The following ADAMTS14 variants were observed in gnomAD, a reference collection of about 807,000 sequenced individuals.
The protein encoded by ADAMTS14 is ADAM metallopeptidase with thrombospondin type 1 motif 14.
ADAMTS14 carries 100 observed loss-of-function variants against 128.6 expected under a neutral mutation model. The observed-to-expected ratio is 0.78, with a 90% confidence interval of 0.66 to 0.92. The LOEUF (loss-of-function observed/expected upper bound fraction) is 0.92. Among genes scored for constraint, ADAMTS14 ranks in the 40% least tolerant of loss-of-function variants. The pLI is 0.00. For synonymous variants in ADAMTS14, 665 were observed against 653.8 expected, an observed-to-expected ratio of 1.02 and a Z score of -0.26; for missense variants, 1,562 against 1,658.6, an observed-to-expected ratio of 0.94 and a Z score of 1.01.
At chr10:70,714,291 T>G (rs891891336) in intron 4 of ADAMTS14, among the ~76,000 whole-genome samples, 2 of 152,236 alleles carry the variant, frequency 1.3e-5, no homozygotes, top group Non-Finnish European at 2.9e-5. Context: ...CTCATTTATT[T>G]AAGTCTCCCC....
chr10:70,675,092 C>A, intron 2 of ADAMTS14, 97 bp downstream of exon 2: 3 of 1,435,150 alleles, frequency 2.1e-6, no homozygotes, highest in South Asian at 1.3e-5. Flanking sequence ...CAGTCTGGGC[C>A]AAGGCAGGGG....
At chr10:70,711,451 G>A (rs10762399) in intron 4 of ADAMTS14, among the ~76,000 whole-genome samples, 27,236 of 152,226 alleles carry the variant, frequency 0.18, 3,252 homozygotes, top group Non-Finnish European at 0.26. Flanking sequence ...ATGGCCGCTG[G>A]AGAAATTGTT....
intron 2 of ADAMTS14, among the ~76,000 whole-genome samples, chr10:70,694,027 C>T (rs867050574): frequency 2.0e-5 from 3 of 152,244 alleles, no homozygotes; most frequent in South Asian, 2.1e-4. Context: ...GGCTGCAGCT[C>T]GGTCTGAATC....
chr10:70,734,706 G>A (rs1431615259), intron 8 of ADAMTS14, among the ~76,000 whole-genome samples: 2 of 152,202 alleles, frequency 1.3e-5, no homozygotes, highest in African/African-American at 4.8e-5. Flanking sequence ...TTGGATGGGG[G>A]CAGGTGGAGG....
chr10:70,724,713 T>C (rs1356674777), intron 4 of ADAMTS14, among the ~76,000 whole-genome samples: 1 of 151,876 alleles, frequency 6.6e-6, no homozygotes, highest in East Asian at 1.9e-4. Flanking sequence ...GGCAGGGGTG[T>C]GTGCAGATGA....
rs771640216 is a variant in ADAMTS14 at position 70,752,220 on chromosome 10, C to G, written c.2722C>G (p.Gln908Glu). The change falls in exon 18 of 22, where the codon CAG (glutamine) becomes GAG (glutamate). Residue 908 changes from glutamine to glutamate, a missense_variant. Gln to Glu is a conservative substitution (Grantham distance 29). Coordinates refer to ENST00000373207, the MANE Select transcript of ADAMTS14 (RefSeq NM_080722.4). ...RRRCNQHPCS[Q>E]PVWVTEEWGA... is the part of the protein sequence containing the mutation. The stretch of plus-strand genomic sequence containing the variant: ...GCGCTGCAACCAGCACCCGTGCTCT[C>G]AGCCTGTGTGAGTGCTCCCAGGGAG... 1.2e-6 allele frequency: 2 copies of G among 1,613,634 alleles called. No individual in the cohort carries two copies. The highest frequency in any genetic ancestry group is 3.3e-5 in the Admixed American group (2 of 60,006).
chr10:70,705,991 A>G (rs1840653060), intron 3 of ADAMTS14, among the ~76,000 whole-genome samples: 1 of 152,184 alleles, frequency 6.6e-6, no homozygotes, highest in Non-Finnish European at 1.5e-5. Flanking sequence ...TTTAACTTTC[A>G]ACTGTATTTT....
intron 6 of ADAMTS14, among the ~76,000 whole-genome samples, chr10:70,731,812 G>T (rs896597355): frequency 1.3e-5 from 2 of 152,234 alleles, no homozygotes; most frequent in Non-Finnish European, 2.9e-5. Flanking sequence ...TAGCTGTGGT[G>T]GTGGGTGGGT....
At chr10:70,732,494 A>ACTGCGGCATGGCCTC (rs1164036796) in intron 7 of ADAMTS14, 135 bp downstream of exon 7, 3 of 741,258 alleles carry the variant, frequency 4.0e-6, no homozygotes, top group Admixed American at 2.6e-5. Flanking sequence ...CTGGACTGCC[A>ACTGCGGCATGGCCTC]CTGCGGCATG....
At chr10:70,677,325 C>G (rs546022248) in intron 2 of ADAMTS14, among the ~76,000 whole-genome samples, 1 of 152,280 alleles carries the variant, frequency 6.6e-6, no homozygotes, top group East Asian at 1.9e-4. Flanking sequence ...TTTTGGTGGC[C>G]TCTGAGTAAA....
chr10:70,675,002 G>A lies in ADAMTS14; in HGVS notation c.522+7G>A. The A allele has an allele frequency of 6.2e-7, 1 of 1,609,462 alleles. No homozygotes were observed. The highest frequency in any genetic ancestry group is 1.1e-5 in the South Asian group (1 of 91,048). ...CAGCAACTGTGACGGATTGGTAAGGGATGAGACTTTCATTAAGCTGCATCC... is the reference window on the plus strand; with the variant it reads ...CAGCAACTGTGACGGATTGGTAAGGAATGAGACTTTCATTAAGCTGCATCC... On this transcript the variant is annotated splice_region_variant and intron_variant, in intron 2 of 21. Transcript: ENST00000373207.
chr10:70,741,192 A>G (rs762700537), intron 12 of ADAMTS14, 30 bp downstream of exon 12: 6 of 1,606,904 alleles, frequency 3.7e-6, no homozygotes, highest in Non-Finnish European at 5.1e-6. Context: ...CTCCCACTCC[A>G]TGTCCTTAGG....
In ADAMTS14 at chr10:70,702,297, C is replaced by G. The variant is rs774899485; in HGVS notation, c.523-15C>G. Reference sequence around the variant, plus strand: ...TTATTTCTCTCTTTCCCGCTGCTTGCCGTCCCTGGTTCAGGCGGGCCTCAT... The same window carrying G: ...TTATTTCTCTCTTTCCCGCTGCTTGGCGTCCCTGGTTCAGGCGGGCCTCAT... On this transcript the variant is annotated splice_polypyrimidine_tract_variant and intron_variant, in intron 2 of 21. Coordinates refer to ENST00000373207, the MANE Select transcript of ADAMTS14 (RefSeq NM_080722.4). 6.2e-7 allele frequency: 1 copy of G among 1,614,010 alleles called. No individual in the cohort carries two copies. The highest frequency in any genetic ancestry group is 1.1e-5 in the South Asian group (1 of 91,066).
At chr10:70,714,438 G>T (rs1257509672) in intron 4 of ADAMTS14, among the ~76,000 whole-genome samples, 1 of 152,224 alleles carries the variant, frequency 6.6e-6, no homozygotes, top group Non-Finnish European at 1.5e-5. Flanking sequence ...CCACTCCAGA[G>T]CTCACCCTCT....
At position 70,760,982 on chromosome 10, in the gene ADAMTS14, G is replaced by C. The variant is rs16927931; in HGVS notation, c.*129G>C. ...ATTTTAAATCATTCGCCTTCTTCTC[G>C]TTTGGGGCTGTGATGCTCTTTACCC... On this transcript the variant is annotated 3_prime_UTR_variant, in exon 22 of 22. Coordinates refer to ENST00000373207, the MANE Select transcript of ADAMTS14 (RefSeq NM_080722.4). 2.8e-5 allele frequency: 37 copies of C among 1,308,844 alleles called. No individual in the cohort carries two copies. Among genetic ancestry groups the C allele is most frequent in the Non-Finnish European group, 3.7e-5 (37 of 992,238 alleles). 81.1% of individuals were successfully genotyped at this position (1,308,844 alleles called of 1,614,324 possible). A position where few individuals can be genotyped will look rare whatever the true frequency, so the allele number is the denominator to read the frequency against.
At position 70,758,026 on chromosome 10, in the gene ADAMTS14, G is replaced by A; in HGVS notation, c.3002G>A (p.Ser1001Asn). Reference sequence around the variant, plus strand: ...GTGGTGTGCAGGACCAACGCCAACAGCCTCGGGCATTGCGAGGGGGATAGG... The same window carrying A: ...GTGGTGTGCAGGACCAACGCCAACAACCTCGGGCATTGCGAGGGGGATAGG... The part of the protein sequence containing the change: ...RQVVCRTNAN[S>N]LGHCEGDRPD... Residue 1001 changes from serine (S) to asparagine (N), a missense_variant, in exon 20 of 22, where the codon AGC (serine) becomes AAC (asparagine). Coordinates refer to ENST00000373207, the MANE Select transcript of ADAMTS14 (RefSeq NM_080722.4). 6.2e-7 allele frequency: 1 copy of A among 1,613,704 alleles called. No homozygotes were observed. Among genetic ancestry groups the A allele is most frequent in the Non-Finnish European group, 8.5e-7 (1 of 1,179,932 alleles).
At chr10:70,733,122 C>T (rs186279342) in intron 7 of ADAMTS14, among the ~76,000 whole-genome samples, 12 of 152,300 alleles carry the variant, frequency 7.9e-5, no homozygotes, top group Admixed American at 4.6e-4. Flanking sequence ...CAGGTGGGAC[C>T]TCCTCTCCAC....
At chr10:70,682,664 G>T (rs1839845351) in intron 2 of ADAMTS14, among the ~76,000 whole-genome samples, 1 of 152,332 alleles carries the variant, frequency 6.6e-6, no homozygotes, top group South Asian at 2.1e-4. Flanking sequence ...ATTACTGGTT[G>T]GTTGAGTCTA....
At chr10:70,703,541 T>G (rs1840559577) in intron 3 of ADAMTS14, among the ~76,000 whole-genome samples, 1 of 152,194 alleles carries the variant, frequency 6.6e-6, no homozygotes, top group Non-Finnish European at 1.5e-5. Flanking sequence ...AGGGCAGGGC[T>G]GGCGGGGCCT....
Sources: allele counts gnomAD v4.1 joint callset (sites outside exome capture counted in the v4.1 genomes callset), GRCh38; gene constraint gnomAD v4.1.1; transcripts MANE v1.5; gene names NCBI Gene and HGNC (gene_info 2026-07-23, HGNC 2026-07-21).